FAM131A: variants seen among roughly 807,000 people sequenced by gnomAD.
The protein encoded by FAM131A is protein FAM131A.
FAM131A carries 24 observed loss-of-function variants against 39.2 expected under a neutral mutation model. The ratio of observed to expected loss-of-function variants is 0.61; its 90% CI spans 0.44 to 0.86. The LOEUF (loss-of-function observed/expected upper bound fraction) is 0.86, where lower values mean the gene tolerates loss of function less well. Among genes scored for constraint, FAM131A ranks in the 40% least tolerant of loss-of-function variants. The pLI is 0.00. For synonymous variants in FAM131A, 202 were observed against 206.8 expected (o/e 0.98, Z 0.20); for missense variants, 373 against 481.2 (o/e 0.78, Z 2.10).
chr3:184,338,492 C>T lies in FAM131A; in HGVS notation c.194C>T (p.Ser65Phe). 2.0e-6 allele frequency: 3 copies of T among 1,536,508 alleles called. No homozygotes were observed. Among genetic ancestry groups the T allele is most frequent in the Non-Finnish European group, 2.6e-6 (3 of 1,146,622 alleles). ...ACCCTCCGAGGCTGGAGCAGGTCCT[C>T]CCGCCCTTCCTCGGTGGACAGTCAG... Reference protein sequence around the residue: ...ARTLRGWSRSSRPSSVDSQDL... With the variant: ...ARTLRGWSRSFRPSSVDSQDL... The change falls in exon 2 of 6, where the codon TCC (serine) becomes TTC (phenylalanine). Residue 65 changes from serine (S) to phenylalanine (F), a missense_variant. Around this residue, in one of 2 missense-constraint regions of FAM131A, gnomAD observed 221 missense variants for 347.7 expected, o/e 0.64. Coordinates refer to ENST00000383847, the MANE Select transcript of FAM131A (RefSeq NM_144635.5).
intron 2 of FAM131A, chr3:184,340,781 T>A (rs1448230056): frequency 6.6e-6 from 1 of 152,264 alleles, no homozygotes; most frequent in Non-Finnish European, 1.5e-5. Context: ...TATTACTCAC[T>A]ATGACTAAGG....
In FAM131A at chr3:184,342,462, C is replaced by T. The variant is rs966261895; in HGVS notation, c.508+214C>T. Among the ~76,000 whole-genome samples the T allele has an allele frequency of 1.3e-5, 2 of 152,166 alleles. No individual in the cohort carries two copies. The highest frequency in any genetic ancestry group is 2.4e-5 in the African/African-American group (1 of 41,438). On this transcript the variant is annotated intron_variant, in intron 4 of 5. Transcript: ENST00000383847. The surrounding 1 kb of genome is among the most constrained non-coding windows in gnomAD (Gnocchi z 4.6). ...AGCTGGGATTACAGTTGCCTGCCAC[C>T]GTGCCTGGCTAATTTTTGTAGTTTT...
rs757843837 is a variant in FAM131A, at chr3:184,345,462, G to A, written c.*492G>A. On this transcript the variant is annotated 3_prime_UTR_variant, in exon 6 of 6. Coordinates refer to ENST00000383847, the MANE Select transcript of FAM131A (RefSeq NM_144635.5). ...TGGAGGGGCTGGCTCCTGCCCTCCC[G>A]GAGCCTATGGGTTGAGCCGTCCCTC... 1.4e-5 allele frequency: 10 copies of A among 697,418 alleles called. No homozygotes were observed. Among genetic ancestry groups the A allele is most frequent in the Middle Eastern group, 2.3e-4 (1 of 4,284 alleles). 43.2% of individuals were successfully genotyped at this position (697,418 alleles called of 1,614,324 possible). A position where few individuals can be genotyped will look rare whatever the true frequency, so the allele number is the denominator to read the frequency against.
intron 3 of FAM131A, 53 bp downstream of exon 3, chr3:184,341,870 G>T: frequency 3.8e-6 from 6 of 1,590,760 alleles, no homozygotes; most frequent in Non-Finnish European, 5.2e-6. Flanking sequence ...CCTCCCGTTT[G>T]CACATCCCTT....
Position 184,344,701 on chromosome 3 carries a change from G to T in FAM131A, c.832G>T (p.Asp278Tyr). 2 of 1,612,434 alleles carry T rather than the reference G, an allele frequency of 1.2e-6. No individual in the cohort carries two copies. The highest frequency in any genetic ancestry group is 1.7e-6 in the Non-Finnish European group (2 of 1,179,940). Reference sequence around the variant, plus strand: ...CCGGCTGGCCTCCCAGCTGCTGGGCGATGAGCTGCTTCTCGCCAAACTGCC... The same window carrying T: ...CCGGCTGGCCTCCCAGCTGCTGGGCTATGAGCTGCTTCTCGCCAAACTGCC... ...PARLASQLLG[D>Y]ELLLAKLPPS... is the part of the protein sequence containing the mutation. Residue 278 changes from aspartate (D) to tyrosine (Y), a missense_variant, in exon 6 of 6, where the codon GAT becomes TAT. Transcript: ENST00000383847.
At chr3:184,340,715 G>A (rs1025094223) in intron 2 of FAM131A, 1 of 152,302 alleles carries the variant, frequency 6.6e-6, no homozygotes, top group Non-Finnish European at 1.5e-5. Flanking sequence ...AATTCCCCAA[G>A]AGCCAAAGAC....
At chr3:184,338,822 GC>G in intron 2 of FAM131A, 1 of 339,548 alleles carries the variant, frequency 2.9e-6, no homozygotes, top group Non-Finnish European at 5.5e-6. Flanking sequence ...TTTTCTCTGG[GC>G]CTGGGCCGCA....
chr3:184,342,922 A>C lies in FAM131A; in HGVS notation c.625+62A>C. 1 of 1,410,498 alleles carries C rather than the reference A, an allele frequency of 7.1e-7. No homozygotes were observed. Among genetic ancestry groups the C allele is most frequent in the South Asian group, 1.2e-5 (1 of 86,138 alleles). 87.4% of individuals were successfully genotyped at this position (1,410,498 alleles called of 1,614,324 possible). A position where few individuals can be genotyped will look rare whatever the true frequency, so the allele number is the denominator to read the frequency against. On this transcript the variant is annotated intron_variant, in intron 5 of 5. Transcript: ENST00000383847. This position sits in a 1 kb window ranked among gnomAD's most constrained non-coding sequence, Gnocchi z 4.6. ...ACCTGATAGACCTTGGCATTCTTTC[A>C]GAGCCACATCCAGAACACTCTCAGC...
At chr3:184,337,431 A>C (rs759503274), upstream of FAM131A, 21 of 588,026 alleles carry the variant, frequency 3.6e-5, no homozygotes, top group African/African-American at 5.6e-5. Context: ...CAGCTCCCCG[A>C]GTCCCAGAGA....
intron 2 of FAM131A, chr3:184,339,583 C>G (rs955599347): frequency 3.3e-5 from 5 of 152,310 alleles, no homozygotes; most frequent in Admixed American, 2.6e-4. Flanking sequence ...GCCTCAGCCT[C>G]CAGAGTAGCT....
chr3:184,336,739 GCCC>G (rs1727128413), upstream of FAM131A, among the ~76,000 whole-genome samples: 1 of 152,212 alleles, frequency 6.6e-6, no homozygotes, highest in Non-Finnish European at 1.5e-5. The surrounding 1 kb of genome is among the most constrained non-coding windows in gnomAD (Gnocchi z 5.5). Context: ...TTAATGTCCT[GCCC>G]CCACTCAGCA....
chr3:184,336,861 G>A (rs901574267), upstream of FAM131A, among the ~76,000 whole-genome samples: 2 of 152,238 alleles, frequency 1.3e-5, no homozygotes, highest in African/African-American at 4.8e-5. This position sits in a 1 kb window ranked among gnomAD's most constrained non-coding sequence, Gnocchi z 5.5. Context: ...TCCGTGGGTG[G>A]CCATGCACAC....
intron 2 of FAM131A, 109 bp from the exon 3 acceptor site, chr3:184,341,615 T>G (rs1201699949): frequency 4.8e-6 from 4 of 827,074 alleles, no homozygotes; most frequent in Non-Finnish European, 7.9e-6. Flanking sequence ...ATATGTGGTG[T>G]TCCTTCCTAG....
At position 184,345,866 on chromosome 3, in the gene FAM131A, G is replaced by T; in HGVS notation, c.*896G>T. The T allele has an allele frequency of 2.1e-6, 1 of 474,998 alleles. No individual in the cohort carries two copies. Among genetic ancestry groups the T allele is most frequent in the Non-Finnish European group, 3.7e-6 (1 of 269,898 alleles). The allele number at this position is 474,998 out of a possible 1,614,324, so 29.4% of individuals were successfully genotyped here. ...AAGAGGGCCACAGGGGTGGCCGGGAGTTGTCAGCTGATGCCTGCTGAGAGG... is the reference window on the plus strand; with the variant it reads ...AAGAGGGCCACAGGGGTGGCCGGGATTTGTCAGCTGATGCCTGCTGAGAGG... On this transcript the variant is annotated 3_prime_UTR_variant, in exon 6 of 6. Coordinates refer to ENST00000383847, the MANE Select transcript of FAM131A (RefSeq NM_144635.5).
rs202108821 is a variant in FAM131A at position 184,345,493 on chromosome 3, C to A, written c.*523C>A. 2.0e-5 allele frequency: 14 copies of A among 702,728 alleles called. No homozygotes were observed. Among genetic ancestry groups the A allele is most frequent in the Middle Eastern group, 2.3e-4 (1 of 4,390 alleles). 43.5% of individuals were successfully genotyped at this position (702,728 alleles called of 1,614,324 possible). A position where few individuals can be genotyped will look rare whatever the true frequency, so the allele number is the denominator to read the frequency against. On this transcript the variant is annotated 3_prime_UTR_variant, in exon 6 of 6. Coordinates refer to ENST00000383847, the MANE Select transcript of FAM131A (RefSeq NM_144635.5). Reference sequence around the variant, plus strand: ...TATGGGTTGAGCCGTCCCTCAAGGGCCCCTGCCCAGCTGGGCTCGTGCTGT... The same window carrying A: ...TATGGGTTGAGCCGTCCCTCAAGGGACCCTGCCCAGCTGGGCTCGTGCTGT...
chr3:184,338,622 C>T (rs377047104), intron 2 of FAM131A, 93 bp downstream of exon 2: 2 of 1,477,000 alleles, frequency 1.4e-6, no homozygotes, highest in East Asian at 5.1e-5. Context: ...CAGCTTCTGG[C>T]TCCCTTTTCC....
chr3:184,345,550 TTCC>T lies in FAM131A; in HGVS notation c.*583_*585del, dbSNP rs773332202. ...TTCACCTCTCCATCGTCTCTAAATC[TTCC>T]TCTTTTTTCCTAAAGACAGAAGGTT... On this transcript the variant is annotated 3_prime_UTR_variant, in exon 6 of 6. Coordinates refer to ENST00000383847, the MANE Select transcript of FAM131A (RefSeq NM_144635.5). 44 of 703,068 alleles carry T rather than the reference TTCC, an allele frequency of 6.3e-5. No homozygotes were observed. Among genetic ancestry groups the T allele is most frequent in the South Asian group, 1.2e-4 (8 of 67,608 alleles). The allele number at this position is 703,068 out of a possible 1,614,324, so 43.6% of individuals were successfully genotyped here. A position where few individuals can be genotyped will look rare whatever the true frequency, so the allele number is the denominator to read the frequency against.
In FAM131A at chr3:184,345,233, G is replaced by C; in HGVS notation, c.*263G>C. The C allele has an allele frequency of 3.5e-6, 2 of 573,840 alleles. No individual in the cohort carries two copies. The highest frequency in any genetic ancestry group is 2.2e-5 in the South Asian group (1 of 44,448). 35.5% of individuals were successfully genotyped at this position (573,840 alleles called of 1,614,324 possible). A position where few individuals can be genotyped will look rare whatever the true frequency, so the allele number is the denominator to read the frequency against. On this transcript the variant is annotated 3_prime_UTR_variant, in exon 6 of 6. Transcript: ENST00000383847. The stretch of plus-strand genomic sequence containing the variant: ...CTGGGGCATGGCTACAGCTGTGGCA[G>C]ACAGTGATGTTCATGTTCTTAAAAT...
intron 2 of FAM131A, 46 bp from the exon 3 acceptor site, chr3:184,341,678 T>C: frequency 6.5e-7 from 1 of 1,538,752 alleles, no homozygotes; most frequent in East Asian, 2.3e-5. Flanking sequence ...AGGGGGAAGG[T>C]CATTGCTGTC....
Sources: allele counts gnomAD v4.1 joint callset (sites outside exome capture counted in the v4.1 genomes callset), GRCh38; gene constraint gnomAD v4.1.1; regional missense constraint gnomAD v4.1.1; non-coding constraint Gnocchi (gnomAD v3.1); transcripts MANE v1.5; gene names NCBI Gene and HGNC (gene_info 2026-07-23, HGNC 2026-07-21).